Variants in EPS15 observed in about 807,000 individuals in gnomAD.
EPS15 encodes epidermal growth factor receptor pathway substrate 15, also known as epidermal growth factor receptor substrate 15.
A neutral mutation model predicts 113.8 loss-of-function variants in EPS15; 72 were observed. The ratio of observed to expected loss-of-function variants is 0.63; its 90% confidence interval spans 0.52 to 0.77. The LOEUF (loss-of-function observed/expected upper bound fraction) is 0.77, where lower values mean the gene tolerates loss of function less well. Ranked by LOEUF, EPS15 falls within the 30% of genes least tolerant of loss-of-function variation. The pLI, the probability that EPS15 is intolerant of heterozygous loss-of-function variation, is 0.00. For missense variants in EPS15, 1,048 were observed against 1,045.8 expected, an observed-to-expected ratio of 1.00 and a Z score of -0.03; for synonymous variants, 344 against 363.4, an observed-to-expected ratio of 0.95 and a Z score of 0.61.
intron 23 of EPS15, 97 bp downstream of exon 23, chr1:51,363,769 T>G (rs1646442296): frequency 8.7e-7 from 1 of 1,151,262 alleles, no homozygotes; most frequent in Non-Finnish European, 1.2e-6. Context: ...TTTGACTTGT[T>G]TCACTTAAAG....
chr1:51,418,397 C>T lies in EPS15; in HGVS notation c.1113+3389G>A, dbSNP rs539627823. On this transcript the variant is annotated intron_variant, in intron 13 of 24. Transcript: ENST00000371733. ...AAAGGAGTACCTAATACAAGAAGGA[C>T]GAACAGATTTGGCCTTAAGATTATT... is the stretch of plus-strand genomic sequence containing the variant. Among the ~76,000 whole-genome samples, 4 of 151,956 alleles carry T rather than the reference C, an allele frequency of 2.6e-5. No individual in the cohort carries two copies. In the South Asian group the frequency reaches 6.2e-4, roughly 24 times the overall value.
chr1:51,447,922 G>A, intron 9 of EPS15, 124 bp downstream of exon 9: 1 of 1,387,798 alleles, frequency 7.2e-7, no homozygotes, highest in Non-Finnish European at 9.5e-7. Flanking sequence ...CTTTAACACT[G>A]ATAAATCTAT....
intron 12 of EPS15, among the ~76,000 whole-genome samples, chr1:51,424,912 T>A (rs916158108): frequency 4.0e-5 from 6 of 150,908 alleles, no homozygotes; most frequent in Non-Finnish European, 5.9e-5. Context: ...CAAAAAAAAA[T>A]AAAATAAAAT....
intron 1 of EPS15, among the ~76,000 whole-genome samples, chr1:51,500,419 A>G (rs1207395296): frequency 6.6e-6 from 1 of 152,202 alleles, no homozygotes; most frequent in African/African-American, 2.4e-5. Flanking sequence ...TAATCTCATC[A>G]GTAGTACATT....
At chr1:51,480,124 T>C (rs973860862) in intron 2 of EPS15, among the ~76,000 whole-genome samples, 2 of 152,224 alleles carry the variant, frequency 1.3e-5, no homozygotes, top group African/African-American at 4.8e-5. Flanking sequence ...GAAGTTGCTA[T>C]ATAGTTTATA....
chr1:51,415,621 A>G (rs529100802), intron 13 of EPS15, among the ~76,000 whole-genome samples: 27 of 151,478 alleles, frequency 1.8e-4, no homozygotes, highest in African/African-American at 6.1e-4. Flanking sequence ...ACATGGAAAA[A>G]CCCCGTCTCT....
chr1:51,494,194 A>C (rs1378218505), intron 1 of EPS15, among the ~76,000 whole-genome samples: 1 of 152,196 alleles, frequency 6.6e-6, no homozygotes, highest in African/African-American at 2.4e-5. Context: ...TCCTTGTCCC[A>C]TAGTAAAATC....
chr1:51,380,191 T>C (rs1183114643), intron 21 of EPS15, among the ~76,000 whole-genome samples: 1 of 149,212 alleles, frequency 6.7e-6, no homozygotes, highest in African/African-American at 2.5e-5. Flanking sequence ...GTCACTGCAC[T>C]CCAGCCTGGG....
chr1:51,421,005 T>A (rs1446132476), intron 13 of EPS15, among the ~76,000 whole-genome samples: 1 of 152,134 alleles, frequency 6.6e-6, no homozygotes, highest in Non-Finnish European at 1.5e-5. Context: ...TGCTTCTATA[T>A]CCAATCTCCT....
At chr1:51,465,142 C>G in intron 6 of EPS15, 119 bp downstream of exon 6, 2 of 565,496 alleles carry the variant, frequency 3.5e-6, no homozygotes, top group Non-Finnish European at 6.1e-6. Flanking sequence ...CAGCTTCTCC[C>G]CTACCTTTCC....
At chr1:51,487,086 A>C in intron 1 of EPS15, among the ~76,000 whole-genome samples, 1 of 152,232 alleles carries the variant, frequency 6.6e-6, no homozygotes, top group East Asian at 1.9e-4. Flanking sequence ...TAAAAACATT[A>C]TTGGTTATAG....
chr1:51,456,426 A>C (rs1017815027), intron 8 of EPS15, among the ~76,000 whole-genome samples: 3 of 152,216 alleles, frequency 2.0e-5, no homozygotes, highest in Admixed American at 6.5e-5. Flanking sequence ...TTTAAAGGTA[A>C]GTCTTGAACA....
chr1:51,389,075 T>C (rs575244539), intron 21 of EPS15, among the ~76,000 whole-genome samples: 5 of 152,264 alleles, frequency 3.3e-5, no homozygotes, highest in African/African-American at 1.2e-4. Flanking sequence ...CTCAATCAAA[T>C]ACTGGCAAAC....
At chr1:51,361,876 G>A (rs931366298) in intron 23 of EPS15, among the ~76,000 whole-genome samples, 13 of 152,088 alleles carry the variant, frequency 8.5e-5, no homozygotes, top group Admixed American at 2.6e-4. Context: ...TTAAATTACC[G>A]TAGTAAAATG....
At chr1:51,486,081 A>G (rs1644115964) in intron 1 of EPS15, among the ~76,000 whole-genome samples, 1 of 151,800 alleles carries the variant, frequency 6.6e-6, no homozygotes, top group South Asian at 2.1e-4. Context: ...TACAGGTGTG[A>G]GCCACCATGC....
intron 1 of EPS15, among the ~76,000 whole-genome samples, chr1:51,499,192 T>C (rs1017854854): frequency 6.6e-6 from 1 of 152,228 alleles, no homozygotes; most frequent in African/African-American, 2.4e-5. Context: ...CAGTTTTTGG[T>C]ATTTTGTTAT....
intron 9 of EPS15, 178 bp downstream of exon 9, chr1:51,447,868 A>T (rs1242903344): frequency 1.7e-6 from 1 of 593,964 alleles, no homozygotes; most frequent in African/African-American, 2.0e-5. Context: ...ATCTTTGTCA[A>T]ATAGTAAACT....
chr1:51,443,442 C>G (rs1652754963), intron 11 of EPS15, among the ~76,000 whole-genome samples: 1 of 151,822 alleles, frequency 6.6e-6, no homozygotes, highest in Admixed American at 6.6e-5. Context: ...CACTTTCAGC[C>G]TTTTCCACAA....
At chr1:51,478,213 C>A (rs774991684) in intron 2 of EPS15, among the ~76,000 whole-genome samples, 19 of 151,944 alleles carry the variant, frequency 1.3e-4, no homozygotes, top group Non-Finnish European at 2.6e-4. Flanking sequence ...ATGTAATGGC[C>A]TTCTTTGTCT....
Sources: gnomAD v4.1 joint callset for allele counts (sites outside exome capture counted in the v4.1 genomes callset) on GRCh38, gnomAD v4.1.1 for gene constraint, MANE v1.5 for transcripts, NCBI Gene and HGNC (gene_info 2026-07-23, HGNC 2026-07-21) for gene names.